The following SH2D5 variants were observed in gnomAD, a reference collection of about 807,000 sequenced individuals.
The protein encoded by SH2D5 is SH2 domain containing 5, also known as SH2 domain-containing protein 5.
In SH2D5, 45 loss-of-function variants were observed where a neutral mutation model predicts 48.2. The ratio of observed to expected loss-of-function variants is 0.93; its 90% CI spans 0.73 to 1.20. SH2D5 has a LOEUF of 1.20. Ranked by LOEUF, SH2D5 falls within the 50% of genes most tolerant of loss-of-function variation. SH2D5 has a pLI of 0.00. For synonymous variants in SH2D5, 230 were observed against 249.8 expected (o/e 0.92, Z 0.75); for missense variants, 538 against 584.1 (o/e 0.92, Z 0.81).
At chr1:20,730,173 A>G (rs1250610450) in intron 1 of SH2D5, among the ~76,000 whole-genome samples, 1 of 152,002 alleles carries the variant, frequency 6.6e-6, no homozygotes, top group Non-Finnish European at 1.5e-5. Context: ...GGAGAAAAGG[A>G]GAGGGAAGGT....
rs561599062 is a variant in SH2D5, at chr1:20,727,506, C to G, written c.168+17G>C. The stretch of plus-strand genomic sequence containing the variant: ...GCTGTGACTTCCACTAGGGAAGTGC[C>G]CTCCCAGGCCACCCACCTTCAGCGC... On this transcript the variant is annotated intron_variant, in intron 3 of 9. Coordinates refer to ENST00000444387, the MANE Select transcript of SH2D5 (RefSeq NM_001103161.2). 6.3e-7 allele frequency: 1 copy of G among 1,587,492 alleles called. No homozygotes were observed. Among genetic ancestry groups the G allele is most frequent in the African/African-American group, 1.3e-5 (1 of 74,544 alleles).
At chr1:20,723,287 A>G (rs1329836002) in intron 8 of SH2D5, among the ~76,000 whole-genome samples, 2 of 152,250 alleles carry the variant, frequency 1.3e-5, no homozygotes, top group Non-Finnish European at 2.9e-5. Flanking sequence ...AGGTTTCTCC[A>G]GAGTCTGTAA....
chr1:20,724,322 G>C (rs2054750951), intron 6 of SH2D5, 71 bp from the exon 7 acceptor site: 1 of 1,600,850 alleles, frequency 6.2e-7, no homozygotes, highest in African/African-American at 1.3e-5. Flanking sequence ...TGAAGCCCCT[G>C]CCCTGACATG....
chr1:20,723,115 A>AG (rs2054721963), intron 8 of SH2D5, among the ~76,000 whole-genome samples, 200 bp from the exon 9 acceptor site: 2 of 152,232 alleles, frequency 1.3e-5, no homozygotes, highest in African/African-American at 4.8e-5. Context: ...CAGGAGTTTG[A>AG]GGCTGCAGTG....
At position 20,724,588 on chromosome 1, in the gene SH2D5, G is replaced by T; in HGVS notation, c.438C>A (p.Tyr146Ter). The change falls in exon 6 of 10, where the codon TAC (tyrosine) becomes TAA (stop). Residue 146 changes from tyrosine to a stop codon, truncating the protein, a stop_gained. Coordinates refer to ENST00000444387, the MANE Select transcript of SH2D5 (RefSeq NM_001103161.2). LOFTEE classifies it high-confidence loss of function. Reference protein sequence around the residue: ...LLLCRSFQLAYLLQHPEERAQ... With the variant: ...LLLCRSFQLA Reference sequence around the variant, plus strand: ...CCCGCTCCTCAGGGTGCTGCAAGAGGTAAGCCAGCTGGAAAGAGCGGCACA... The same window carrying T: ...CCCGCTCCTCAGGGTGCTGCAAGAGTTAAGCCAGCTGGAAAGAGCGGCACA... The T allele has an allele frequency of 6.3e-7, 1 of 1,593,398 alleles. No homozygotes were observed. The highest frequency in any genetic ancestry group is 8.5e-7 in the Non-Finnish European group (1 of 1,170,402).
In SH2D5 at chr1:20,728,232, C is replaced by G; in HGVS notation, c.-42-146G>C. 1 of 594,996 alleles carries G rather than the reference C, an allele frequency of 1.7e-6. No homozygotes were observed. Among genetic ancestry groups the G allele is most frequent in the Non-Finnish European group, 3.0e-6 (1 of 333,796 alleles). The allele number at this position is 594,996 out of a possible 1,614,324, so 36.9% of individuals were successfully genotyped here. A position where few individuals can be genotyped will look rare whatever the true frequency, so the allele number is the denominator to read the frequency against. On this transcript the variant is annotated intron_variant, in intron 1 of 9. Coordinates refer to ENST00000444387, the MANE Select transcript of SH2D5 (RefSeq NM_001103161.2). This position sits in a 1 kb window ranked among gnomAD's most constrained non-coding sequence, Gnocchi z 4.3. ...TGTCCCGGGCCCTGGGGAGCCAGCCCAGAAGAAAATGATGACGTCTCTGAC... is the reference window on the plus strand; with the variant it reads ...TGTCCCGGGCCCTGGGGAGCCAGCCGAGAAGAAAATGATGACGTCTCTGAC...
In SH2D5 at chr1:20,728,016, C is replaced by A; in HGVS notation, c.29G>T (p.Arg10Met). Residue 10 changes from arginine (R) to methionine (M), a missense_variant, in exon 2 of 10, where the codon AGG becomes ATG. Physicochemically the swap from Arg to Met is moderately conservative, Grantham distance 91. Transcript: ENST00000444387. This position sits in a 1 kb window ranked among gnomAD's most constrained non-coding sequence, Gnocchi z 4.3. MQKAGAGGR[R>M]ASDCGLAPHR... Reference sequence around the variant, plus strand: ...AGGGGCCAGCCCGCAGTCAGAGGCCCTGCGGCCCCCAGCCCCCGCCTTCTG... The same window carrying A: ...AGGGGCCAGCCCGCAGTCAGAGGCCATGCGGCCCCCAGCCCCCGCCTTCTG... The A allele has an allele frequency of 6.4e-7, 1 of 1,559,964 alleles. No individual in the cohort carries two copies. Among genetic ancestry groups the A allele is most frequent in the South Asian group, 1.2e-5 (1 of 84,858 alleles).
chr1:20,723,744 C>A lies in SH2D5; in HGVS notation c.800-10G>T. On this transcript the variant is annotated splice_polypyrimidine_tract_variant and intron_variant, in intron 7 of 9. Transcript: ENST00000444387. Reference sequence around the variant, plus strand: ...TCCCATGCGGCAGGAACTGTGGAGACCATCCAGGAGTCAGAAGGAGAGTGG... The same window carrying A: ...TCCCATGCGGCAGGAACTGTGGAGAACATCCAGGAGTCAGAAGGAGAGTGG... 1 of 1,608,514 alleles carries A rather than the reference C, an allele frequency of 6.2e-7. No individual in the cohort carries two copies. The highest frequency in any genetic ancestry group is 8.5e-7 in the Non-Finnish European group (1 of 1,176,502).
Position 20,722,718 on chromosome 1 carries a change from C to T in SH2D5, c.1068+38G>A, listed in dbSNP as rs541028846. ...AGGGCCAGGGATGGAGCCAATGATG[C>T]GGCAGGGCCCAGGCCCCTCTGGCTG... is the stretch of plus-strand genomic sequence containing the variant. On this transcript the variant is annotated intron_variant, in intron 9 of 9. Transcript: ENST00000444387. 1.8e-5 allele frequency: 25 copies of T among 1,411,330 alleles called. No individual in the cohort carries two copies. In the South Asian group the frequency reaches 2.8e-4, roughly 16 times the overall value. The allele number at this position is 1,411,330 out of a possible 1,614,324, so 87.4% of individuals were successfully genotyped here.
intron 4 of SH2D5, among the ~76,000 whole-genome samples, chr1:20,726,299 C>T (rs1421626083): frequency 6.6e-6 from 1 of 152,224 alleles, no homozygotes; most frequent in Non-Finnish European, 1.5e-5. Context: ...CGCCTGGTCC[C>T]TGGAGGCAGG....
intron 1 of SH2D5, among the ~76,000 whole-genome samples, chr1:20,731,748 G>GCTT (rs1167651302): frequency 4.1e-4 from 63 of 152,194 alleles, no homozygotes; most frequent in Admixed American, 3.2e-3. Context: ...GGGGTGCGAA[G>GCTT]CGCTCCAGAG....
chr1:20,724,535 G>C lies in SH2D5; in HGVS notation c.491C>G (p.Thr164Arg), dbSNP rs752464656. 6.2e-7 allele frequency: 1 copy of C among 1,608,712 alleles called. No individual in the cohort carries two copies. Among genetic ancestry groups the C allele is most frequent in the Non-Finnish European group, 8.5e-7 (1 of 1,178,370 alleles). Residue 164 changes from threonine (T) to arginine (R), a missense_variant, in exon 6 of 10, where the codon ACA (threonine) becomes AGA (arginine). By Grantham distance (71) the Thr-to-Arg change is moderately conservative. Coordinates refer to ENST00000444387, the MANE Select transcript of SH2D5 (RefSeq NM_001103161.2). ...RAQPEPCPGP[T>R]GEVPLKPLSS... ...CAGTGGCTTCAGGGGCACCTCCCCT[G>C]TGGGCCCTGGGCAGGGCTCTGGCTG...
chr1:20,722,643 G>A (rs2054708871), intron 9 of SH2D5, 113 bp downstream of exon 9: 7 of 1,113,330 alleles, frequency 6.3e-6, no homozygotes, highest in Non-Finnish European at 7.3e-6. Flanking sequence ...AGACAGGGAT[G>A]GGGGTGAGGC....
In SH2D5 at chr1:20,724,074, A is replaced by G. The variant is rs542407029; in HGVS notation, c.799+9T>C. 2 of 1,608,388 alleles carry G rather than the reference A, an allele frequency of 1.2e-6. No homozygotes were observed. The highest frequency in any genetic ancestry group is 1.7e-6 in the Non-Finnish European group (2 of 1,177,064). On this transcript the variant is annotated intron_variant, in intron 7 of 9. Coordinates refer to ENST00000444387, the MANE Select transcript of SH2D5 (RefSeq NM_001103161.2). Reference sequence around the variant, plus strand: ...GTACACACAGGGCAGGCATGTTCCCACAACTCACAGGCCTCCCGAGCCGAC... The same window carrying G: ...GTACACACAGGGCAGGCATGTTCCCGCAACTCACAGGCCTCCCGAGCCGAC...
intron 5 of SH2D5, 97 bp from the exon 6 acceptor site, chr1:20,724,732 C>A (rs949036577): frequency 1.4e-6 from 2 of 1,387,496 alleles, no homozygotes; most frequent in South Asian, 3.1e-5. Context: ...GTGCATGCAG[C>A]CCCTTGGCTT....
rs1471614407 is a variant in SH2D5, at chr1:20,728,887, A to G, written c.-42-801T>C. ...TGCTGCATGGGACCCTGCCTCACTCAGCCCAAACAGACCCCAGCCCCTTCC... is the reference window on the plus strand; with the variant it reads ...TGCTGCATGGGACCCTGCCTCACTCGGCCCAAACAGACCCCAGCCCCTTCC... On this transcript the variant is annotated intron_variant, in intron 1 of 9. Coordinates refer to ENST00000444387, the MANE Select transcript of SH2D5 (RefSeq NM_001103161.2). This position sits in a 1 kb window ranked among gnomAD's most constrained non-coding sequence, Gnocchi z 4.3. 2.6e-5 allele frequency among the ~76,000 whole-genome samples: 4 copies of G among 152,168 alleles called. No homozygotes were observed. The highest frequency in any genetic ancestry group is 7.2e-5 in the African/African-American group (3 of 41,436).
chr1:20,725,231 C>T (rs1282155250), intron 5 of SH2D5, among the ~76,000 whole-genome samples: 4 of 152,266 alleles, frequency 2.6e-5, no homozygotes, highest in Non-Finnish European at 5.9e-5. Flanking sequence ...CCGTGAGCGT[C>T]AGCTCAAGGA....
In SH2D5 at chr1:20,724,551, G is replaced by A; in HGVS notation, c.475C>T (p.Pro159Ser). ...ACCTCCCCTGTGGGCCCTGGGCAGG[G>A]CTCTGGCTGTGCCCGCTCCTCAGGG... ...QHPEERAQPE[P>S]CPGPTGEVPL... Residue 159 changes from proline to serine, a missense_variant, in exon 6 of 10, where the codon CCC becomes TCC. Transcript: ENST00000444387. 6.2e-7 allele frequency: 1 copy of A among 1,604,232 alleles called. No individual in the cohort carries two copies. Among genetic ancestry groups the A allele is most frequent in the South Asian group, 1.1e-5 (1 of 90,018 alleles).
intron 9 of SH2D5, among the ~76,000 whole-genome samples, chr1:20,722,484 A>C (rs970785005): frequency 2.6e-5 from 4 of 152,158 alleles, no homozygotes; most frequent in Admixed American, 2.0e-4. Flanking sequence ...CCCCTCCAAG[A>C]GCCTTCAGGT....
Sources: gnomAD v4.1 joint callset for allele counts (sites outside exome capture counted in the v4.1 genomes callset) on GRCh38, gnomAD v4.1.1 for gene constraint, Gnocchi (gnomAD v3.1) non-coding constraint, MANE v1.5 for transcripts, NCBI Gene and HGNC (gene_info 2026-07-23, HGNC 2026-07-21) for gene names.